VAC14: variants seen among roughly 807,000 people sequenced by gnomAD.
VAC14 encodes the protein VAC14 component of PIKFYVE complex.
VAC14 carries 47 observed loss-of-function variants against 85.3 expected under a neutral mutation model. The observed-to-expected ratio is 0.55, with a 90% CI of 0.44 to 0.70. The LOEUF is 0.70. Among genes scored for constraint, VAC14 ranks in the 30% least tolerant of loss-of-function variants. The probability of loss-of-function intolerance (pLI) is 0.00; values close to 1 mark genes in which losing one functional copy is unlikely to be tolerated. For missense variants in VAC14, 861 were observed against 1,004.3 expected (o/e 0.86, Z 1.93); for synonymous variants, 447 against 430.5 (o/e 1.04, Z -0.47).
At chr16:70,707,490 T>C (rs75021004) in intron 14 of VAC14, among the ~76,000 whole-genome samples, 4,620 of 152,150 alleles carry the variant, frequency 0.03, 103 homozygotes, top group Non-Finnish European at 0.044. Context: ...GGAGGTGCCA[T>C]CGGGCTCTGG....
At chr16:70,740,868 G>A (rs1242047866) in intron 13 of VAC14, among the ~76,000 whole-genome samples, 2 of 152,242 alleles carry the variant, frequency 1.3e-5, no homozygotes, top group Non-Finnish European at 2.9e-5. Context: ...AAGGCCAGGC[G>A]AGAGGAAAAT....
At chr16:70,761,493 T>C (rs895377728) in intron 12 of VAC14, among the ~76,000 whole-genome samples, 1 of 152,184 alleles carries the variant, frequency 6.6e-6, no homozygotes, top group Admixed American at 6.5e-5. Context: ...TGCCGTGCAA[T>C]GGGCACGCGC....
At chr16:70,779,258 C>G (rs1044992917) in intron 9 of VAC14, 5 of 152,374 alleles carry the variant, frequency 3.3e-5, no homozygotes, top group South Asian at 2.1e-4. Flanking sequence ...GTGGGGCATG[C>G]ATGCTTGACA....
chr16:70,799,502 G>A (rs8063716), intron 1 of VAC14, among the ~76,000 whole-genome samples: 82,029 of 152,032 alleles, frequency 0.54, 23,356 homozygotes, highest in Admixed American at 0.69. Flanking sequence ...CATTTGATTT[G>A]GATTGCAAGC....
intron 12 of VAC14, among the ~76,000 whole-genome samples, chr16:70,758,898 G>A (rs1403284538): frequency 2.6e-5 from 4 of 152,208 alleles, no homozygotes; most frequent in African/African-American, 4.8e-5. Context: ...TTCAGATAAC[G>A]TCTGCAAGGA....
intron 12 of VAC14, among the ~76,000 whole-genome samples, chr16:70,745,532 C>T (rs113965247): frequency 1.1e-4 from 16 of 150,250 alleles, no homozygotes; most frequent in African/African-American, 1.7e-4. Context: ...CGTGTGCGCG[C>T]GTGTGCCTGT....
At chr16:70,691,189 G>A (rs913369250) in intron 18 of VAC14, 1 of 985,544 alleles carries the variant, frequency 1.0e-6, no homozygotes, top group African/African-American at 1.7e-5. Flanking sequence ...GAGTCTGACT[G>A]CTCTGAGCCT....
intron 16 of VAC14, among the ~76,000 whole-genome samples, chr16:70,696,407 G>A (rs774423913): frequency 5.3e-5 from 8 of 152,182 alleles, no homozygotes; most frequent in Non-Finnish European, 1.2e-4. Flanking sequence ...CAGCTACCTG[G>A]GAGGCTGAGG....
chr16:70,687,757 G>C lies in VAC14; in HGVS notation c.*171C>G. 1.5e-6 allele frequency: 1 copy of C among 666,794 alleles called. No individual in the cohort carries two copies. The highest frequency in any genetic ancestry group is 2.2e-6 in the Non-Finnish European group (1 of 464,264). The allele number at this position is 666,794 out of a possible 1,614,324, so 41.3% of individuals were successfully genotyped here. A position where few individuals can be genotyped will look rare whatever the true frequency, so the allele number is the denominator to read the frequency against. On this transcript the variant is annotated 3_prime_UTR_variant, in exon 19 of 19. Coordinates refer to ENST00000261776, the MANE Select transcript of VAC14 (RefSeq NM_018052.5). ...GACAGCGCTGGAGGCCTGGGGACTG[G>C]ACTCTGAGAGGAGCTTGGGCAGACA...
intron 16 of VAC14, chr16:70,695,835 C>T: frequency 1.9e-6 from 1 of 527,414 alleles, no homozygotes; most frequent in Non-Finnish European, 3.4e-6. Flanking sequence ...CCAGGTTCCA[C>T]TCTAGCAGCT....
At chr16:70,691,599 C>T (rs2142983657) in intron 18 of VAC14, 2 of 985,468 alleles carry the variant, frequency 2.0e-6, no homozygotes, top group Non-Finnish European at 2.4e-6. Context: ...CTGGCAGCAC[C>T]CTGAGCAGCT....
At position 70,703,748 on chromosome 16, in the gene VAC14, G is replaced by A. The variant is rs117706450; in HGVS notation, c.1662-4937C>T. 9.8e-3 allele frequency among the ~76,000 whole-genome samples: 1,492 copies of A among 152,268 alleles called. 10 individuals carry two copies. The highest frequency in any genetic ancestry group is 0.014 in the Non-Finnish European group (970 of 68,002). ...TGGTTTCTCTGCCACATACCCAGGC[G>A]CTCTCAAAAGAGCAACCTGCCCTCG... On this transcript the variant is annotated intron_variant, in intron 14 of 18. Transcript: ENST00000261776.
At position 70,687,877 on chromosome 16, in the gene VAC14, C is replaced by A. The variant is rs1333585464; in HGVS notation, c.*51G>T. 1 of 1,432,880 alleles carries A rather than the reference C, an allele frequency of 7.0e-7. No individual in the cohort carries two copies. The highest frequency in any genetic ancestry group is 2.6e-4 in the Middle Eastern group (1 of 3,780). The allele number at this position is 1,432,880 out of a possible 1,614,324, so 88.8% of individuals were successfully genotyped here. On this transcript the variant is annotated 3_prime_UTR_variant, in exon 19 of 19. Coordinates refer to ENST00000261776, the MANE Select transcript of VAC14 (RefSeq NM_018052.5). ...GAGCTCCTCGGGAGGGCGTGACGAC[C>A]CTTAGTGTTTCATGGGACCACTCGG... is the stretch of plus-strand genomic sequence containing the variant.
intron 13 of VAC14, among the ~76,000 whole-genome samples, chr16:70,741,376 C>G (rs937364768): frequency 6.6e-6 from 1 of 152,238 alleles, no homozygotes; most frequent in Non-Finnish European, 1.5e-5. Flanking sequence ...CGTGCCCTCC[C>G]GGGGCAGCGG....
chr16:70,702,563 C>T (rs947759690), intron 14 of VAC14, among the ~76,000 whole-genome samples: 2 of 152,180 alleles, frequency 1.3e-5, no homozygotes, highest in African/African-American at 4.8e-5. Flanking sequence ...CATCCTACTG[C>T]TGGGAAGGAG....
At chr16:70,770,602 C>A (rs571666810) in intron 10 of VAC14, 1 of 152,196 alleles carries the variant, frequency 6.6e-6, no homozygotes, top group African/African-American at 2.4e-5. Context: ...GGCACCATGG[C>A]CCTCCCTTTC....
At chr16:70,793,200 C>G (rs1256247640) in intron 1 of VAC14, among the ~76,000 whole-genome samples, 2 of 152,218 alleles carry the variant, frequency 1.3e-5, no homozygotes, top group Non-Finnish European at 2.9e-5. Context: ...ACAGGGAGTA[C>G]AGAGGAGGTG....
intron 12 of VAC14, chr16:70,748,007 CG>C (rs2031058978): frequency 6.6e-6 from 1 of 152,064 alleles, no homozygotes; most frequent in African/African-American, 2.4e-5. Flanking sequence ...TCCTCGCTCC[CG>C]GCCACAATGA....
intron 18 of VAC14, chr16:70,691,667 A>C: frequency 1.0e-6 from 1 of 985,404 alleles, no homozygotes; most frequent in Non-Finnish European, 1.2e-6. Context: ...CCTTCTGGGG[A>C]AATGGGGCAG....
Sources: allele counts gnomAD v4.1 joint callset (sites outside exome capture counted in the v4.1 genomes callset), GRCh38; gene constraint gnomAD v4.1.1; transcripts MANE v1.5; gene names NCBI Gene and HGNC (gene_info 2026-07-23, HGNC 2026-07-21).